Variants in CCDC73 observed in about 807,000 individuals in gnomAD.
CCDC73 encodes the protein coiled-coil domain-containing protein 73.
A neutral mutation model predicts 116.5 loss-of-function variants in CCDC73; 95 were observed. The observed-to-expected ratio is 0.82, with a 90% CI of 0.69 to 0.97. The LOEUF (loss-of-function observed/expected upper bound fraction) is 0.97, where lower values mean the gene tolerates loss of function less well. Ranked by LOEUF, CCDC73 falls within the 50% of genes least tolerant of loss-of-function variation. The pLI, the probability that CCDC73 is intolerant of heterozygous loss-of-function variation, is 0.00. For synonymous variants in CCDC73, 398 were observed against 401.3 expected, an observed-to-expected ratio of 0.99 and a Z score of 0.10; for missense variants, 1,066 against 1,206.8, an observed-to-expected ratio of 0.88 and a Z score of 1.73.
At chr11:32,765,683 C>T (rs1850434499) in intron 1 of CCDC73, among the ~76,000 whole-genome samples, 2 of 152,304 alleles carry the variant, frequency 1.3e-5, no homozygotes, top group South Asian at 2.1e-4. Flanking sequence ...AATTGACACC[C>T]TAACATCACA....
intron 3 of CCDC73, 124 bp downstream of exon 3, chr11:32,717,952 G>C: frequency 1.6e-6 from 1 of 632,054 alleles, no homozygotes; most frequent in Non-Finnish European, 2.7e-6. Context: ...AGAACAGCAT[G>C]GGGAAACTGC....
At chr11:32,605,295 GA>G (rs1855334913) in intron 17 of CCDC73, 1 of 151,582 alleles carries the variant, frequency 6.6e-6, no homozygotes, top group African/African-American at 2.4e-5. Context: ...GGTCCCCTCA[GA>G]GAGTTTTACC....
chr11:32,779,608 G>A (rs954825481), intron 1 of CCDC73, among the ~76,000 whole-genome samples: 2 of 152,104 alleles, frequency 1.3e-5, no homozygotes. Flanking sequence ...GAGAGTTTGT[G>A]TCCTGACAAG....
At chr11:32,670,418 A>T (rs919796630) in intron 9 of CCDC73, among the ~76,000 whole-genome samples, 4 of 151,980 alleles carry the variant, frequency 2.6e-5, no homozygotes, top group Non-Finnish European at 4.4e-5. Flanking sequence ...GCTACTCAGG[A>T]GGCTGAGGCA....
intron 1 of CCDC73, among the ~76,000 whole-genome samples, chr11:32,786,957 C>T (rs1257691084): frequency 2.6e-5 from 4 of 152,262 alleles, no homozygotes; most frequent in Middle Eastern, 3.4e-3. Context: ...CCATTTAACC[C>T]ATGCTGTTAT....
intron 7 of CCDC73, among the ~76,000 whole-genome samples, chr11:32,677,145 A>G (rs752433919): frequency 6.6e-6 from 1 of 152,224 alleles, no homozygotes; most frequent in Non-Finnish European, 1.5e-5. Flanking sequence ...GTATAGGCCC[A>G]TGAACTGGCA....
intron 3 of CCDC73, among the ~76,000 whole-genome samples, chr11:32,709,048 A>G (rs903117227): frequency 1.6e-4 from 25 of 152,134 alleles, no homozygotes; most frequent in Admixed American, 1.6e-3. Context: ...TTTGTCATAG[A>G]TGGCTTTTAT....
chr11:32,811,409 A>G, the CCDC73 span, among the ~76,000 whole-genome samples: 2 of 152,198 alleles, frequency 1.3e-5, no homozygotes, highest in African/African-American at 4.8e-5. Context: ...TTCATTTGTT[A>G]AGAATTGTTA....
At chr11:32,632,808 A>T (rs896048210) in intron 14 of CCDC73, among the ~76,000 whole-genome samples, 8 of 152,242 alleles carry the variant, frequency 5.3e-5, no homozygotes, top group African/African-American at 1.7e-4. Flanking sequence ...AAATGAAAAA[A>T]CTACATATCA....
At chr11:32,627,941 G>A (rs1474301973) in intron 14 of CCDC73, among the ~76,000 whole-genome samples, 1 of 152,044 alleles carries the variant, frequency 6.6e-6, no homozygotes, top group Non-Finnish European at 1.5e-5. Context: ...TGCAGGTTGT[G>A]CACATATACC....
intron 1 of CCDC73, among the ~76,000 whole-genome samples, chr11:32,790,850 T>C (rs1214975947): frequency 6.6e-6 from 1 of 152,140 alleles, no homozygotes; most frequent in Non-Finnish European, 1.5e-5. Flanking sequence ...TAAGGCAACA[T>C]ACCAGAGACC....
the CCDC73 span, among the ~76,000 whole-genome samples, chr11:32,811,089 ACCT>A: frequency 2.7e-5 from 4 of 149,876 alleles, no homozygotes; most frequent in South Asian, 2.1e-4. Context: ...AAAAAAAAAA[ACCT>A]CTTCTGAGAT....
intron 2 of CCDC73, among the ~76,000 whole-genome samples, chr11:32,743,624 T>G (rs1850209014): frequency 6.6e-6 from 1 of 152,210 alleles, no homozygotes; most frequent in Non-Finnish European, 1.5e-5. Context: ...GTCCTTCACA[T>G]CCCTTGTAAG....
chr11:32,748,621 T>G (rs1167324226), intron 2 of CCDC73, among the ~76,000 whole-genome samples: 2 of 152,208 alleles, frequency 1.3e-5, no homozygotes, highest in African/African-American at 4.8e-5. Flanking sequence ...ATATTCTGTG[T>G]TTTTCTGTGT....
chr11:32,716,194 A>C (rs1849942667), intron 3 of CCDC73, among the ~76,000 whole-genome samples: 1 of 152,160 alleles, frequency 6.6e-6, no homozygotes, highest in Non-Finnish European at 1.5e-5. Context: ...ACAACATATG[A>C]AAGTTCTTGT....
At chr11:32,623,051 C>T (rs1855537354) in intron 14 of CCDC73, among the ~76,000 whole-genome samples, 1 of 151,948 alleles carries the variant, frequency 6.6e-6, no homozygotes. Flanking sequence ...CTCTTTCACC[C>T]AGGCTGGAGT....
chr11:32,607,121 C>CT (rs1393069842), intron 17 of CCDC73, among the ~76,000 whole-genome samples: 4 of 107,668 alleles, frequency 3.7e-5, no homozygotes, highest in African/African-American at 1.5e-4. Context: ...GAGACGGAGT[C>CT]TCGCTCTGTC....
intron 14 of CCDC73, among the ~76,000 whole-genome samples, chr11:32,632,168 T>C (rs1855637388): frequency 6.6e-6 from 1 of 152,210 alleles, no homozygotes; most frequent in Non-Finnish European, 1.5e-5. Context: ...TTGGTGAATA[T>C]TTCATGTGCT....
At chr11:32,695,599 C>T (rs1282953231) in intron 6 of CCDC73, among the ~76,000 whole-genome samples, 1 of 152,088 alleles carries the variant, frequency 6.6e-6, no homozygotes, top group African/African-American at 2.4e-5. Context: ...TTGATTGCCT[C>T]TTTCTTCTCT....
Sources: gnomAD v4.1 joint callset for allele counts (sites outside exome capture counted in the v4.1 genomes callset) on GRCh38, gnomAD v4.1.1 for gene constraint, MANE v1.5 for transcripts, NCBI Gene and HGNC (gene_info 2026-07-23, HGNC 2026-07-21) for gene names.